Variants in DAGLA observed in about 807,000 individuals in gnomAD.
DAGLA encodes the protein diacylglycerol lipase alpha.
In DAGLA, 22 loss-of-function variants were observed where a neutral mutation model predicts 102.6. The ratio of observed to expected loss-of-function variants is 0.21; its 90% CI spans 0.15 to 0.31. The LOEUF is 0.31. Ranked by LOEUF, DAGLA falls within the 10% of genes least tolerant of loss-of-function variation. DAGLA has a pLI of 1.00. For missense variants in DAGLA, 927 were observed against 1,446.6 expected, an observed-to-expected ratio of 0.64 and a Z score of 5.83; for synonymous variants, 578 against 628.9, an observed-to-expected ratio of 0.92 and a Z score of 1.21.
Position 61,744,548 on chromosome 11 carries a change from G to A in DAGLA, c.*59G>A. The A allele has an allele frequency of 1.4e-6, 2 of 1,426,312 alleles. No homozygotes were observed. Among genetic ancestry groups the A allele is most frequent in the Non-Finnish European group, 1.9e-6 (2 of 1,057,680 alleles). The allele number at this position is 1,426,312 out of a possible 1,614,324, so 88.4% of individuals were successfully genotyped here. A position where few individuals can be genotyped will look rare whatever the true frequency, so the allele number is the denominator to read the frequency against. On this transcript the variant is annotated 3_prime_UTR_variant, in exon 20 of 20. Transcript: ENST00000257215. ...GGAGCAGGTGGCCCTGTGGGCACCT[G>A]GTGCCTGCCCCCTGCCGGGCAGCTT...
At chr11:61,698,209 C>T (rs1407179374) in intron 1 of DAGLA, among the ~76,000 whole-genome samples, 1 of 152,238 alleles carries the variant, frequency 6.6e-6, no homozygotes, top group African/African-American at 2.4e-5. Context: ...CTGGGCCAGC[C>T]AGAGGGTCAG....
At chr11:61,721,654 T>TCTGGGCCAGCTCC (rs1391600790) in intron 3 of DAGLA, among the ~76,000 whole-genome samples, 1 of 152,102 alleles carries the variant, frequency 6.6e-6, no homozygotes, top group East Asian at 1.9e-4. Context: ...CCCTCAGGAG[T>TCTGGGCCAGCTCC]CTGGGCCAGC....
At chr11:61,722,229 T>G (rs956519145) in intron 3 of DAGLA, among the ~76,000 whole-genome samples, 1 of 152,248 alleles carries the variant, frequency 6.6e-6, no homozygotes, top group South Asian at 2.1e-4. Context: ...TCAGAGAGAT[T>G]AGGAAACTTG....
intron 6 of DAGLA, 56 bp from the exon 7 acceptor site, chr11:61,728,097 T>C: frequency 6.2e-7 from 1 of 1,602,888 alleles, no homozygotes; most frequent in Admixed American, 1.7e-5. Context: ...ACTCCTGGCC[T>C]CTCGTCCTCT....
intron 1 of DAGLA, among the ~76,000 whole-genome samples, chr11:61,702,590 A>T (rs1291559621): frequency 1.3e-5 from 2 of 152,220 alleles, no homozygotes; most frequent in Non-Finnish European, 2.9e-5. Context: ...TCATTTCCCC[A>T]GGTCCTTCCC....
chr11:61,735,855 T>C, intron 12 of DAGLA, 39 bp downstream of exon 12: 1 of 1,555,772 alleles, frequency 6.4e-7, no homozygotes, highest in Non-Finnish European at 8.7e-7. Context: ...CTGGGCTTCT[T>C]TCCTGCCCTG....
chr11:61,700,873 G>A (rs1056201285), intron 1 of DAGLA, among the ~76,000 whole-genome samples: 1 of 152,196 alleles, frequency 6.6e-6, no homozygotes, highest in Non-Finnish European at 1.5e-5. Context: ...TGCTCCTCCA[G>A]CAACGAGACC....
At position 61,737,340 on chromosome 11, in the gene DAGLA, C is replaced by T; in HGVS notation, c.1514+16C>T. On this transcript the variant is annotated intron_variant, in intron 14 of 19. Coordinates refer to ENST00000257215, the MANE Select transcript of DAGLA (RefSeq NM_006133.3). Reference sequence around the variant, plus strand: ...GCCTGCTGAGGTGAGCCATCTGGGGCTTCAGAGTTGGCTGGGGCAGTTGGG... The same window carrying T: ...GCCTGCTGAGGTGAGCCATCTGGGGTTTCAGAGTTGGCTGGGGCAGTTGGG... 11 of 1,608,692 alleles carry T rather than the reference C, an allele frequency of 6.8e-6. No individual in the cohort carries two copies. The highest frequency in any genetic ancestry group is 9.3e-6 in the Non-Finnish European group (11 of 1,179,966).
At chr11:61,718,449 T>C in intron 1 of DAGLA, among the ~76,000 whole-genome samples, 1 of 152,084 alleles carries the variant, frequency 6.6e-6, no homozygotes, top group East Asian at 1.9e-4. Flanking sequence ...TGTTGGCAGC[T>C]CTGTTCTGCC....
intron 13 of DAGLA, 41 bp downstream of exon 13, chr11:61,736,391 G>A (rs2065423156): frequency 2.6e-6 from 4 of 1,520,922 alleles, no homozygotes; most frequent in Non-Finnish European, 3.7e-6. Flanking sequence ...TCACACCTGG[G>A]TCCCCCTCCT....
At chr11:61,735,418 G>C in intron 10 of DAGLA, 143 bp from the exon 11 acceptor site, 1 of 708,874 alleles carries the variant, frequency 1.4e-6, no homozygotes, top group Non-Finnish European at 2.4e-6. Flanking sequence ...GTGACCCTGG[G>C]AGCCCGTCAG....
rs1388338406 is a variant in DAGLA, at chr11:61,743,798, T to G, written c.2438T>G (p.Leu813Arg). 1 of 1,612,428 alleles carries G rather than the reference T, an allele frequency of 6.2e-7. No homozygotes were observed. Among genetic ancestry groups the G allele is most frequent in the Non-Finnish European group, 8.5e-7 (1 of 1,179,940 alleles). ...IRGSPSLHAV[L>R]ERDEGHLFYI... The stretch of plus-strand genomic sequence containing the variant: ...GGCTCCCCCAGCCTCCACGCTGTGC[T>G]GGAGCGTGATGAAGGCCACCTCTTC... The change falls in exon 20 of 20, where the codon CTG becomes CGG. Residue 813 changes from leucine to arginine, a missense_variant. Transcript: ENST00000257215.
intron 17 of DAGLA, 145 bp downstream of exon 17, chr11:61,739,806 TC>T: frequency 4.9e-6 from 4 of 808,450 alleles, no homozygotes; most frequent in East Asian, 2.7e-5. Flanking sequence ...TGGAGGGGTT[TC>T]CCCAGCATCG....
intron 1 of DAGLA, among the ~76,000 whole-genome samples, chr11:61,697,834 C>T (rs537288720): frequency 1.6e-4 from 25 of 152,278 alleles, no homozygotes; most frequent in Admixed American, 5.9e-4. Flanking sequence ...GGACTACAGG[C>T]ATGCCCTGCC....
At chr11:61,700,048 G>A (rs1176248973) in intron 1 of DAGLA, among the ~76,000 whole-genome samples, 3 of 152,148 alleles carry the variant, frequency 2.0e-5, no homozygotes, top group Non-Finnish European at 4.4e-5. Flanking sequence ...AGCAGTGCCC[G>A]GCCTCGCCCG....
At chr11:61,740,081 A>T (rs1186347882) in intron 17 of DAGLA, among the ~76,000 whole-genome samples, 2 of 152,238 alleles carry the variant, frequency 1.3e-5, no homozygotes, top group Admixed American at 6.5e-5. Flanking sequence ...AGGAGAGAGA[A>T]TAGGAGCAGG....
Position 61,709,208 on chromosome 11 carries a change from C to CTTTG in DAGLA, c.-44-10880_-44-10877dup, listed in dbSNP as rs537769791. 5.2e-3 allele frequency among the ~76,000 whole-genome samples: 785 copies of CTTTG among 152,218 alleles called. 6 individuals are homozygous for CTTTG. The highest frequency in any genetic ancestry group is 6.6e-3 in the East Asian group (34 of 5,180). On this transcript the variant is annotated intron_variant, in intron 1 of 19. Coordinates refer to ENST00000257215, the MANE Select transcript of DAGLA (RefSeq NM_006133.3). ...CATATCCTGCTTAGTGGCTTTCAAACTTTGTTTGTTTGTTTGTTTGTTTGT... is the reference window on the plus strand; with the variant it reads ...CATATCCTGCTTAGTGGCTTTCAAACTTTGTTTGTTTGTTTGTTTGTTTGTTTGT...
chr11:61,730,904 G>T (rs2065368093), intron 8 of DAGLA, among the ~76,000 whole-genome samples: 1 of 152,222 alleles, frequency 6.6e-6, no homozygotes, highest in Non-Finnish European at 1.5e-5. Flanking sequence ...CAGCTGGAGG[G>T]CTGGGGCCTC....
intron 1 of DAGLA, among the ~76,000 whole-genome samples, chr11:61,713,974 A>T (rs181223763): frequency 6.6e-6 from 1 of 152,242 alleles, no homozygotes; most frequent in South Asian, 2.1e-4. Flanking sequence ...CGTCATGGAA[A>T]TGGGAGTCCT....
Sources: allele counts gnomAD v4.1 joint callset (sites outside exome capture counted in the v4.1 genomes callset), GRCh38; gene constraint gnomAD v4.1.1; transcripts MANE v1.5; gene names NCBI Gene and HGNC (gene_info 2026-07-23, HGNC 2026-07-21).